PAX7: variants seen among roughly 807,000 people sequenced by gnomAD.
The protein encoded by PAX7 is paired box protein Pax-7.
PAX7 carries 18 observed loss-of-function variants against 50.7 expected under a neutral mutation model. The observed-to-expected ratio is 0.36, with a 90% CI of 0.25 to 0.53. The LOEUF is 0.53. Ranked by LOEUF, PAX7 falls within the 20% of genes least tolerant of loss-of-function variation. The pLI is 0.93. For synonymous variants in PAX7, 310 were observed against 290.4 expected (o/e 1.07, Z -0.69); for missense variants, 644 against 702.9 (o/e 0.92, Z 0.95).
At chr1:18,741,097 C>T (rs1184148756) in intron 8 of PAX7, among the ~76,000 whole-genome samples, 1 of 152,124 alleles carries the variant, frequency 6.6e-6, no homozygotes. Flanking sequence ...CTACAGCTAA[C>T]AACAATGTAT....
rs754147896 is a variant in PAX7, at chr1:18,656,984, C to T, written c.586+20613C>T. Among the ~76,000 whole-genome samples, 5 of 152,000 alleles carry T rather than the reference C, an allele frequency of 3.3e-5. No homozygotes were observed. The South Asian group carries it at 1.0e-3, about 32-fold the overall frequency. On this transcript the variant is annotated intron_variant, in intron 4 of 8. Transcript: ENST00000420770. Reference sequence around the variant, plus strand: ...TGCAGCCTTGACAACAGAGCAAAACCCTGTCTCAAAAAATAAATAAAGAAA... The same window carrying T: ...TGCAGCCTTGACAACAGAGCAAAACTCTGTCTCAAAAAATAAATAAAGAAA...
At chr1:18,693,237 C>T (rs936013632) in intron 5 of PAX7, among the ~76,000 whole-genome samples, 6 of 152,168 alleles carry the variant, frequency 3.9e-5, no homozygotes, top group Non-Finnish European at 8.8e-5. Flanking sequence ...ACGGCGGGCA[C>T]TTCCATCCAA....
At chr1:18,675,166 G>A (rs531317672) in intron 4 of PAX7, among the ~76,000 whole-genome samples, 1 of 152,244 alleles carries the variant, frequency 6.6e-6, no homozygotes, top group East Asian at 1.9e-4. Context: ...ATGAAAGGAT[G>A]TAGTGCACGA....
At chr1:18,652,384 C>T (rs963688332) in intron 4 of PAX7, among the ~76,000 whole-genome samples, 1 of 152,152 alleles carries the variant, frequency 6.6e-6, no homozygotes, top group Admixed American at 6.5e-5. Flanking sequence ...CCCGGCTGCA[C>T]AGAGCTCACA....
intron 4 of PAX7, among the ~76,000 whole-genome samples, chr1:18,638,136 A>G (rs2088192251): frequency 6.6e-6 from 1 of 152,256 alleles, no homozygotes; most frequent in East Asian, 1.9e-4. Flanking sequence ...GGAGAAGCAG[A>G]GGAGGTTTGG....
chr1:18,643,049 G>T lies in PAX7; in HGVS notation c.586+6678G>T, dbSNP rs567233933. On this transcript the variant is annotated intron_variant, in intron 4 of 8. Transcript: ENST00000420770. ...TTGGAACTTCAACCTCCTGGGAGAG[G>T]AAAAGCGTCTGCGGGTCGCTACAGC... 1.8e-4 allele frequency among the ~76,000 whole-genome samples: 27 copies of T among 152,272 alleles called. No individual in the cohort carries two copies. The South Asian group carries it at 3.7e-3, about 21-fold the overall frequency.
rs201755380 is a variant in PAX7, at chr1:18,700,624, G to T, written c.787-29G>T. 4.8e-5 allele frequency: 71 copies of T among 1,493,894 alleles called. No individual in the cohort carries two copies. In the East Asian group the frequency reaches 8.0e-4, roughly 17 times the overall value. The allele number at this position is 1,493,894 out of a possible 1,614,324, so 92.5% of individuals were successfully genotyped here. A position where few individuals can be genotyped will look rare whatever the true frequency, so the allele number is the denominator to read the frequency against. ...TCTCTGCCAGGAACCTGGCCGAGGG[G>T]TCTCCATTCTCTGCTCTCCACCTCC... On this transcript the variant is annotated intron_variant, in intron 5 of 8. Coordinates refer to ENST00000420770, the MANE Select transcript of PAX7 (RefSeq NM_001135254.2). This position sits in a 1 kb window ranked among gnomAD's most constrained non-coding sequence, Gnocchi z 4.8.
chr1:18,714,243 A>G (rs1038831930), intron 7 of PAX7, among the ~76,000 whole-genome samples: 3 of 152,216 alleles, frequency 2.0e-5, no homozygotes, highest in East Asian at 3.9e-4. Context: ...ATAAATATAC[A>G]AAAACAAATT....
chr1:18,634,508 G>A lies in PAX7; in HGVS notation c.291G>A (p.Arg97=), dbSNP rs550466055. ...GCTACCAGGAGACCGGGTCCATCCG[G>A]CCTGGGGCCATCGGCGGCAGCAAGC... ...LCRYQETGSI[R]PGAIGGSKPR... Residue 97 remains arginine (R), a synonymous_variant, in exon 2 of 9, where the codon CGG becomes CGA. Coordinates refer to ENST00000420770, the MANE Select transcript of PAX7 (RefSeq NM_001135254.2). The surrounding 1 kb of genome is among the most constrained non-coding windows in gnomAD (Gnocchi z 4.0). 4.3e-6 allele frequency: 7 copies of A among 1,613,940 alleles called. No individual in the cohort carries two copies. The African/African-American group carries it at 8.0e-5, about 18-fold the overall frequency.
intron 4 of PAX7, among the ~76,000 whole-genome samples, chr1:18,646,519 T>A (rs1374130643): frequency 3.3e-5 from 5 of 151,730 alleles, no homozygotes; most frequent in Non-Finnish European, 2.9e-5. Flanking sequence ...GGGAAAGCGG[T>A]TTGGAAACTG....
intron 4 of PAX7, among the ~76,000 whole-genome samples, chr1:18,641,153 T>C (rs1280992889): frequency 1.3e-5 from 2 of 152,226 alleles, no homozygotes; most frequent in East Asian, 3.9e-4. Flanking sequence ...AACTCGTGCC[T>C]AAATTGAGTG....
chr1:18,738,182 A>C (rs983870140), intron 8 of PAX7, among the ~76,000 whole-genome samples: 2 of 152,098 alleles, frequency 1.3e-5, no homozygotes, highest in Non-Finnish European at 2.9e-5. Flanking sequence ...GGGGGTCTGC[A>C]TGTATATTTG....
intron 4 of PAX7, among the ~76,000 whole-genome samples, chr1:18,675,225 G>C (rs1311165157): frequency 6.6e-6 from 1 of 152,026 alleles, no homozygotes; most frequent in African/African-American, 2.4e-5. Context: ...TCTTTCCTCT[G>C]TGGCTGCCTT....
At chr1:18,724,221 G>C (rs1159652746) in intron 7 of PAX7, among the ~76,000 whole-genome samples, 1 of 148,144 alleles carries the variant, frequency 6.8e-6, no homozygotes, top group Non-Finnish European at 1.5e-5. Context: ...ACCAGTCGAG[G>C]CTGGCTCAAG....
At chr1:18,718,519 T>C (rs1232819358) in intron 7 of PAX7, among the ~76,000 whole-genome samples, 1 of 152,120 alleles carries the variant, frequency 6.6e-6, no homozygotes, top group African/African-American at 2.4e-5. Flanking sequence ...AAAGCATGGA[T>C]TAGCGAGGTT....
intron 1 of PAX7, among the ~76,000 whole-genome samples, chr1:18,633,184 G>T (rs1165531660): frequency 6.6e-6 from 1 of 152,198 alleles, no homozygotes; most frequent in Non-Finnish European, 1.5e-5. Flanking sequence ...GGGGGCGGTA[G>T]GAACGGCCCA....
intron 4 of PAX7, among the ~76,000 whole-genome samples, chr1:18,662,145 C>T (rs1003301365): frequency 5.5e-4 from 84 of 151,498 alleles, no homozygotes; most frequent in African/African-American, 1.9e-3. Flanking sequence ...TTGAGGGGGG[C>T]GAGGAGGCAG....
At chr1:18,684,730 T>C (rs886081524) in intron 4 of PAX7, among the ~76,000 whole-genome samples, 5 of 152,164 alleles carry the variant, frequency 3.3e-5, no homozygotes, top group African/African-American at 7.2e-5. Context: ...TATCAACTAT[T>C]ATGTGATTCG....
chr1:18,661,866 CG>C (rs2088604845), intron 4 of PAX7, among the ~76,000 whole-genome samples: 1 of 152,142 alleles, frequency 6.6e-6, no homozygotes, highest in Admixed American at 6.5e-5. Flanking sequence ...CGGAGGGCGC[CG>C]GGAGGGGGAA....
Sources: allele counts gnomAD v4.1 joint callset (sites outside exome capture counted in the v4.1 genomes callset), GRCh38; gene constraint gnomAD v4.1.1; non-coding constraint Gnocchi (gnomAD v3.1); transcripts MANE v1.5; gene names NCBI Gene and HGNC (gene_info 2026-07-23, HGNC 2026-07-21).